Variants in CSMD1 observed in about 807,000 individuals in gnomAD.
The protein encoded by CSMD1 is CUB and Sushi multiple domains 1.
Under a neutral mutation model 417.5 loss-of-function variants are expected in CSMD1, and 213 were observed. That is an observed-to-expected ratio of 0.51 (90% CI 0.46 to 0.57). CSMD1 has a LOEUF of 0.57. Among genes scored for constraint, CSMD1 ranks in the 20% least tolerant of loss-of-function variants. The pLI, the probability that CSMD1 is intolerant of heterozygous loss-of-function variation, is 0.00. For missense variants in CSMD1, 6,923 were observed against 4,529.7 expected (o/e 1.53, Z -15.17); for synonymous variants, 2,862 against 1,736.8 (o/e 1.65, Z -16.11).
At chr8:3,329,445 G>T (rs150934719) in intron 23 of CSMD1, among the ~76,000 whole-genome samples, 4 of 152,082 alleles carry the variant, frequency 2.6e-5, no homozygotes, top group Non-Finnish European at 5.9e-5. Context: ...CCACATTACA[G>T]GGGAGCATAT....
At chr8:4,850,784 C>G (rs894589136) in intron 1 of CSMD1, among the ~76,000 whole-genome samples, 3 of 151,970 alleles carry the variant, frequency 2.0e-5, no homozygotes, top group African/African-American at 7.3e-5. Context: ...TAGTGGCTTG[C>G]CTATTATTTT....
intron 5 of CSMD1, among the ~76,000 whole-genome samples, chr8:3,779,832 G>T (rs190030675): frequency 6.6e-6 from 1 of 152,126 alleles, no homozygotes; most frequent in Non-Finnish European, 1.5e-5. Flanking sequence ...AATAGGGACA[G>T]GAAAAATAGT....
intron 3 of CSMD1, among the ~76,000 whole-genome samples, chr8:4,035,968 A>G (rs901916838): frequency 6.6e-6 from 1 of 152,108 alleles, no homozygotes; most frequent in East Asian, 1.9e-4. Context: ...GTCCTATGAG[A>G]GTGTAACACT....
intron 3 of CSMD1, among the ~76,000 whole-genome samples, chr8:4,081,849 A>G (rs1335503306): frequency 6.6e-6 from 1 of 152,198 alleles, no homozygotes; most frequent in Non-Finnish European, 1.5e-5. Context: ...TTGAAACCAA[A>G]TAATTAGAAA....
intron 2 of CSMD1, among the ~76,000 whole-genome samples, chr8:4,605,262 T>C (rs181338855): frequency 2.3e-4 from 35 of 151,204 alleles, no homozygotes; most frequent in African/African-American, 8.4e-4. Context: ...CGATGAAGTT[T>C]ACCTTTAAGA....
intron 3 of CSMD1, among the ~76,000 whole-genome samples, chr8:4,049,381 G>A (rs1798307460): frequency 6.6e-6 from 1 of 151,436 alleles, no homozygotes; most frequent in African/African-American, 2.4e-5. Flanking sequence ...AAAAATCTCT[G>A]CAGACATTGC....
At chr8:4,554,376 A>C (rs1772418614) in intron 2 of CSMD1, among the ~76,000 whole-genome samples, 1 of 152,148 alleles carries the variant, frequency 6.6e-6, no homozygotes, top group African/African-American at 2.4e-5. Flanking sequence ...ACCTCAGGTG[A>C]TCTACCTGCC....
chr8:4,460,512 G>T (rs190747498), intron 2 of CSMD1, among the ~76,000 whole-genome samples: 4 of 151,836 alleles, frequency 2.6e-5, no homozygotes, highest in African/African-American at 9.7e-5. Flanking sequence ...AAAAATGAAC[G>T]TAAGCAAATT....
intron 1 of CSMD1, among the ~76,000 whole-genome samples, chr8:4,929,237 G>T (rs574128924): frequency 1.3e-5 from 2 of 152,256 alleles, no homozygotes; most frequent in East Asian, 3.9e-4. Flanking sequence ...GAAAGCCAGC[G>T]AGAGAGGCTG....
intron 6 of CSMD1, among the ~76,000 whole-genome samples, chr8:3,746,889 A>G (rs570650985): frequency 7.2e-5 from 11 of 152,330 alleles, no homozygotes; most frequent in East Asian, 5.8e-4. Context: ...GGCCAGCCCA[A>G]GAGGACTGAG....
At chr8:3,306,811 G>C (rs12545749) in intron 25 of CSMD1, among the ~76,000 whole-genome samples, 81,568 of 151,964 alleles carry the variant, frequency 0.54, 22,083 homozygotes, top group African/African-American at 0.58. Flanking sequence ...AGATTTCTGA[G>C]TAGATCACCA....
chr8:4,226,425 A>C (rs1563302710), intron 3 of CSMD1, among the ~76,000 whole-genome samples: 1 of 152,214 alleles, frequency 6.6e-6, no homozygotes. Flanking sequence ...TAACATGCAG[A>C]ATTAATTCAG....
chr8:3,273,584 C>G (rs934363066), intron 26 of CSMD1, among the ~76,000 whole-genome samples: 2 of 152,168 alleles, frequency 1.3e-5, no homozygotes, highest in African/African-American at 4.8e-5. Flanking sequence ...CGTTGGTAAG[C>G]TATTGATTAT....
At chr8:4,085,172 T>C (rs559079271) in intron 3 of CSMD1, among the ~76,000 whole-genome samples, 1 of 152,158 alleles carries the variant, frequency 6.6e-6, no homozygotes, top group South Asian at 2.1e-4. Flanking sequence ...CAGACTCTGC[T>C]GAGGATGGCA....
intron 2 of CSMD1, among the ~76,000 whole-genome samples, chr8:4,457,377 C>A (rs1027843877): frequency 6.6e-6 from 1 of 151,946 alleles, no homozygotes; most frequent in African/African-American, 2.4e-5. Context: ...TTGGGGCTTC[C>A]CGAGGTCTGG....
chr8:3,979,327 C>T (rs997985980), intron 5 of CSMD1, among the ~76,000 whole-genome samples: 2 of 152,146 alleles, frequency 1.3e-5, no homozygotes, highest in African/African-American at 2.4e-5. Flanking sequence ...TCAGGTATCA[C>T]GCTGTTGTGA....
intron 12 of CSMD1, among the ~76,000 whole-genome samples, chr8:3,427,432 T>C (rs1813921608): frequency 2.0e-5 from 3 of 152,172 alleles, no homozygotes; most frequent in Non-Finnish European, 4.4e-5. Context: ...CAATATGTAA[T>C]GATTCCACAA....
At chr8:3,038,028 G>A (rs983580014) in intron 50 of CSMD1, among the ~76,000 whole-genome samples, 3 of 152,030 alleles carry the variant, frequency 2.0e-5, no homozygotes, top group Non-Finnish European at 4.4e-5. Context: ...TCTCTGGCCC[G>A]GCTTTCTTAT....
At chr8:3,675,513 C>T (rs1222926309) in intron 7 of CSMD1, among the ~76,000 whole-genome samples, 2 of 152,042 alleles carry the variant, frequency 1.3e-5, no homozygotes, top group Non-Finnish European at 2.9e-5. Context: ...ATGTTGAAGC[C>T]CCAATCTCCA....
Sources: gnomAD v4.1 joint callset for allele counts (sites outside exome capture counted in the v4.1 genomes callset) on GRCh38, gnomAD v4.1.1 for gene constraint, MANE v1.5 for transcripts, NCBI Gene and HGNC (gene_info 2026-07-23, HGNC 2026-07-21) for gene names.